GALK2: variants seen among roughly 807,000 people sequenced by gnomAD.
GALK2 encodes galactokinase 2.
Under a neutral mutation model 52.4 loss-of-function variants are expected in GALK2, and 36 were observed. That is an observed-to-expected ratio of 0.69 (90% CI 0.53 to 0.91). The LOEUF (loss-of-function observed/expected upper bound fraction) is 0.91. Among genes scored for constraint, GALK2 ranks in the 40% least tolerant of loss-of-function variants. The probability of loss-of-function intolerance (pLI) is 0.00; values close to 1 mark genes in which losing one functional copy is unlikely to be tolerated. For synonymous variants in GALK2, 176 were observed against 199.1 expected (o/e 0.88, Z 0.98); for missense variants, 579 against 559.1 (o/e 1.04, Z -0.36).
intron 5 of GALK2, among the ~76,000 whole-genome samples, chr15:49,242,885 T>A (rs931174650): frequency 7.9e-5 from 12 of 152,186 alleles, no homozygotes; most frequent in African/African-American, 2.9e-4. Flanking sequence ...CAAAAATCAT[T>A]TCCAAACAAC....
At chr15:49,168,654 G>A (rs1477644526), upstream of GALK2, among the ~76,000 whole-genome samples, 2 of 151,436 alleles carry the variant, frequency 1.3e-5, no homozygotes, top group African/African-American at 4.9e-5. Context: ...GGAGGTGGAG[G>A]TTGTAGTGAA....
At chr15:49,155,993 T>A (rs760214055) in exon 1 of GALK2, 120 of 1,614,104 alleles carry the variant, frequency 7.4e-5, no homozygotes, top group Middle Eastern at 1.6e-4. Flanking sequence ...GAGAAAAGGC[T>A]GACATGCCCG....
At chr15:49,181,567 C>T (rs1269098321) in intron 1 of GALK2, among the ~76,000 whole-genome samples, 2 of 146,106 alleles carry the variant, frequency 1.4e-5, no homozygotes, top group Admixed American at 6.8e-5. Context: ...GCAGTGGTGC[C>T]GTGGCACGAT....
intron 3 of GALK2, among the ~76,000 whole-genome samples, chr15:49,227,858 C>G (rs142660650): frequency 9.2e-5 from 14 of 152,100 alleles, no homozygotes; most frequent in African/African-American, 3.4e-4. Context: ...TATATTATCC[C>G]TTTGCTTCCA....
downstream of GALK2, among the ~76,000 whole-genome samples, chr15:49,334,554 T>C (rs573754472): frequency 6.6e-6 from 1 of 152,208 alleles, no homozygotes; most frequent in East Asian, 1.9e-4. Flanking sequence ...TAGAAAGGTG[T>C]CCATCCGTTT....
intron 3 of GALK2, among the ~76,000 whole-genome samples, chr15:49,225,611 T>G (rs77135107): frequency 6.6e-6 from 1 of 152,138 alleles, no homozygotes; most frequent in Non-Finnish European, 1.5e-5. Context: ...GCTAAAAAGG[T>G]TGGGGACTGC....
At chr15:49,209,196 C>T (rs745369630) in intron 2 of GALK2, among the ~76,000 whole-genome samples, 5 of 152,080 alleles carry the variant, frequency 3.3e-5, no homozygotes, top group East Asian at 1.9e-4. Context: ...TTGTATCTTG[C>T]GACTTTACTG....
intron 2 of GALK2, among the ~76,000 whole-genome samples, chr15:49,205,320 A>G (rs1235879033): frequency 6.6e-6 from 1 of 152,166 alleles, no homozygotes; most frequent in Non-Finnish European, 1.5e-5. Context: ...TTTCCATAGC[A>G]GCTGTACTAC....
intron 3 of GALK2, among the ~76,000 whole-genome samples, chr15:49,231,287 C>T (rs573055865): frequency 1.3e-5 from 2 of 152,250 alleles, no homozygotes; most frequent in East Asian, 3.9e-4. Context: ...CAGCTACACA[C>T]TTTTTACACA....
intron 2 of GALK2, among the ~76,000 whole-genome samples, chr15:49,210,369 AT>A (rs2141349014): frequency 6.6e-6 from 1 of 151,500 alleles, no homozygotes; most frequent in East Asian, 1.9e-4. Flanking sequence ...GAGATGTACC[AT>A]TAGGTTGTTT....
At chr15:49,274,013 G>A (rs752462386) in intron 5 of GALK2, among the ~76,000 whole-genome samples, 2 of 152,132 alleles carry the variant, frequency 1.3e-5, no homozygotes, top group African/African-American at 4.8e-5. Flanking sequence ...GGGCCTGAAG[G>A]TACCCTCGAC....
At chr15:49,354,464 C>T (rs1209117646) in intron 3 of GALK2, among the ~76,000 whole-genome samples, 22 of 152,156 alleles carry the variant, frequency 1.4e-4, no homozygotes, top group Admixed American at 3.3e-4. Context: ...GTTCCCTTTC[C>T]GAGTCAAAGA....
intron 1 of GALK2, among the ~76,000 whole-genome samples, chr15:49,187,595 C>G (rs1057485396): frequency 1.2e-4 from 18 of 152,174 alleles, no homozygotes; most frequent in Middle Eastern, 3.2e-3. Flanking sequence ...TAGGAATCTA[C>G]TTGGTGCTCT....
chr15:49,314,811 G>A (rs938989436), intron 8 of GALK2, among the ~76,000 whole-genome samples: 1 of 152,234 alleles, frequency 6.6e-6, no homozygotes, highest in African/African-American at 2.4e-5. Flanking sequence ...GGCTACTCCA[G>A]ATTGGAGTTG....
chr15:49,267,702 C>G (rs2141672399), intron 5 of GALK2, among the ~76,000 whole-genome samples: 1 of 152,042 alleles, frequency 6.6e-6, no homozygotes, highest in African/African-American at 2.4e-5. Context: ...TCATGTTGGT[C>G]ATATTATAGA....
Position 49,329,918 on chromosome 15 carries a change from C to T in GALK2, c.*1759C>T. On this transcript the variant is annotated 3_prime_UTR_variant, in exon 10 of 10. Coordinates refer to ENST00000560031, the MANE Select transcript of GALK2 (RefSeq NM_002044.4). ...GTAAAAATTTCCAATGTGCACTCTTCTTTGGGGGACACACATGGTCATTCT... is the reference window on the plus strand; with the variant it reads ...GTAAAAATTTCCAATGTGCACTCTTTTTTGGGGGACACACATGGTCATTCT... The T allele has an allele frequency of 5.1e-6, 1 of 194,570 alleles. No homozygotes were observed. Among genetic ancestry groups the T allele is most frequent in the Non-Finnish European group, 9.3e-6 (1 of 107,048 alleles). The allele number at this position is 194,570 out of a possible 1,614,324, so 12.1% of individuals were successfully genotyped here. A position where few individuals can be genotyped will look rare whatever the true frequency, so the allele number is the denominator to read the frequency against.
intron 3 of GALK2, among the ~76,000 whole-genome samples, chr15:49,233,364 C>T (rs1282486099): frequency 1.3e-5 from 2 of 152,180 alleles, no homozygotes; most frequent in Admixed American, 1.3e-4. Context: ...CAGTCACCTC[C>T]CACCAGGTCC....
At chr15:49,322,711 A>T (rs1165173387) in intron 9 of GALK2, among the ~76,000 whole-genome samples, 1 of 152,152 alleles carries the variant, frequency 6.6e-6, no homozygotes, top group Non-Finnish European at 1.5e-5. Context: ...TAATCCCAGC[A>T]CTTTGGGAGG....
chr15:49,356,093 C>T (rs898382696), intron 3 of GALK2, among the ~76,000 whole-genome samples: 4 of 151,992 alleles, frequency 2.6e-5, no homozygotes, highest in African/African-American at 9.7e-5. Flanking sequence ...GAAGGAAGCA[C>T]TAAACATGGA....
Sources: gnomAD v4.1 joint callset for allele counts (sites outside exome capture counted in the v4.1 genomes callset) on GRCh38, gnomAD v4.1.1 for gene constraint, MANE v1.5 for transcripts, NCBI Gene and HGNC (gene_info 2026-07-23, HGNC 2026-07-21) for gene names.